EPB41L5: variants seen among roughly 807,000 people sequenced by gnomAD.
The protein encoded by EPB41L5 is erythrocyte membrane protein band 4.1 like 5.
A neutral mutation model predicts 106.6 loss-of-function variants in EPB41L5; 55 were observed. The observed-to-expected ratio is 0.52, with a 90% CI of 0.42 to 0.65. The LOEUF (loss-of-function observed/expected upper bound fraction) is 0.65. Ranked by LOEUF, EPB41L5 falls within the 30% of genes least tolerant of loss-of-function variation. EPB41L5 has a pLI of 0.00. For synonymous variants in EPB41L5, 297 were observed against 306.7 expected (o/e 0.97, Z 0.33); for missense variants, 871 against 882.1 (o/e 0.99, Z 0.16).
chr2:120,022,844 G>T (rs1288920587), intron 2 of EPB41L5, among the ~76,000 whole-genome samples: 3 of 152,130 alleles, frequency 2.0e-5, no homozygotes, highest in Non-Finnish European at 4.4e-5. Context: ...TCCAGCACCT[G>T]TTGTTTCCTG....
chr2:120,130,609 G>T (rs1170711419), intron 17 of EPB41L5, among the ~76,000 whole-genome samples: 4 of 152,330 alleles, frequency 2.6e-5, no homozygotes, highest in Middle Eastern at 3.4e-3. Context: ...ATTTTGAGAA[G>T]ACCAGTGTTG....
At chr2:120,095,584 TTCACTGGCGAGAGTA>T (rs1450743018) in intron 14 of EPB41L5, among the ~76,000 whole-genome samples, 3 of 152,048 alleles carry the variant, frequency 2.0e-5, no homozygotes, top group Non-Finnish European at 4.4e-5. Context: ...AAATGTTTGT[TTCACTGGCGAGAGTA>T]TCTACTTTTG....
intron 10 of EPB41L5, among the ~76,000 whole-genome samples, chr2:120,085,489 C>T (rs909036245): frequency 6.6e-6 from 1 of 152,130 alleles, no homozygotes; most frequent in African/African-American, 2.4e-5. Flanking sequence ...CAGAGGGGTA[C>T]CCAGCCGTGT....
chr2:120,049,094 T>A (rs1239081205), intron 3 of EPB41L5, among the ~76,000 whole-genome samples: 1 of 152,182 alleles, frequency 6.6e-6, no homozygotes, highest in Non-Finnish European at 1.5e-5. Context: ...ATGTGGTCAG[T>A]TTTGGAGTAA....
chr2:120,150,347 A>G (rs1686616534), intron 20 of EPB41L5, among the ~76,000 whole-genome samples: 1 of 151,544 alleles, frequency 6.6e-6, no homozygotes, highest in African/African-American at 2.4e-5. Context: ...TTTTAGAGAC[A>G]TTATTGCTCA....
chr2:120,078,494 C>A lies in EPB41L5; in HGVS notation c.716C>A (p.Ala239Asp). ...MYGVDMHVVK[A>D]RDGNDYSLGL... ...CACATTTTTCTCCCCTTAAATTAGG[C>A]TAGAGATGGGAATGACTATAGTTTG... The change falls in exon 10 of 25, where the codon GCT (alanine) becomes GAT (aspartate). Residue 239 changes from alanine to aspartate, a missense_variant and splice_region_variant. By Grantham distance (126) the Ala-to-Asp change is moderately radical. Coordinates refer to ENST00000263713, the MANE Select transcript of EPB41L5 (RefSeq NM_020909.4). 2 of 1,598,666 alleles carry A rather than the reference C, an allele frequency of 1.3e-6. No individual in the cohort carries two copies. The highest frequency in any genetic ancestry group is 2.3e-5 in the South Asian group (2 of 88,136).
chr2:120,129,066 C>G (rs1193422212), intron 17 of EPB41L5, among the ~76,000 whole-genome samples: 1 of 152,100 alleles, frequency 6.6e-6, no homozygotes. Context: ...TGAAAAACTT[C>G]CTATTGGGTG....
At chr2:120,105,034 C>G in intron 16 of EPB41L5, 11 of 984,500 alleles carry the variant, frequency 1.1e-5, no homozygotes, top group Non-Finnish European at 1.3e-5. Flanking sequence ...ATCTCATACA[C>G]CTGACAGATT....
intron 16 of EPB41L5, among the ~76,000 whole-genome samples, chr2:120,123,641 C>T (rs1174057823): frequency 1.5e-5 from 2 of 133,098 alleles, no homozygotes; most frequent in African/African-American, 2.8e-5. Flanking sequence ...GGGGAGTGTT[C>T]GTCCCTTTTT....
At chr2:120,086,322 C>G (rs779293646) in intron 10 of EPB41L5, among the ~76,000 whole-genome samples, 1 of 152,098 alleles carries the variant, frequency 6.6e-6, no homozygotes, top group East Asian at 1.9e-4. Flanking sequence ...CACATTGTTT[C>G]GACATTCACA....
chr2:120,076,915 G>A, intron 7 of EPB41L5, 56 bp from the exon 8 acceptor site: 1 of 1,454,578 alleles, frequency 6.9e-7, no homozygotes, highest in East Asian at 2.4e-5. Context: ...TTAATGAAAT[G>A]GTTTTTGAAG....
chr2:120,075,732 T>A lies in EPB41L5; in HGVS notation c.484T>A (p.Leu162Met), dbSNP rs760752985. The change falls in exon 7 of 25, where the codon TTG (leucine) becomes ATG (methionine). Residue 162 changes from leucine to methionine, a missense_variant. By Grantham distance (15) the Leu-to-Met change is conservative. Transcript: ENST00000263713. ...CTGTCCCTTTGATACAGCAGTGCAA[T>A]TGGCAGCTTATAATCTGCAAGGTAA... ...LDCPFDTAVQ[L>M]AAYNLQAELG... 5 of 1,613,582 alleles carry A rather than the reference T, an allele frequency of 3.1e-6. No individual in the cohort carries two copies. The highest frequency in any genetic ancestry group is 4.2e-6 in the Non-Finnish European group (5 of 1,179,728).
Position 120,090,515 on chromosome 2 carries a change from AG to A in EPB41L5, c.1043+1del, listed in dbSNP as rs1323060990. 6.2e-7 allele frequency: 1 copy of A among 1,607,056 alleles called. No individual in the cohort carries two copies. The highest frequency in any genetic ancestry group is 8.5e-7 in the Non-Finnish European group (1 of 1,177,640). ...TCGACTAGGATCACGATTTAGATATAGGTTAATTTTAATTGCTGTTTTATCT... is the reference window on the plus strand; with the variant it reads ...TCGACTAGGATCACGATTTAGATATAGTTAATTTTAATTGCTGTTTTATCT... ...FIRLGSRFRY[S>X]GKTEYQTTKT... is the part of the protein sequence containing the mutation. On this transcript the variant is annotated frameshift_variant and splice_region_variant, in exon 12 of 25. Coordinates refer to ENST00000263713, the MANE Select transcript of EPB41L5 (RefSeq NM_020909.4). LOFTEE classifies it high-confidence loss of function.
chr2:120,098,156 TTGTGTGTGTG>T (rs60975047), intron 14 of EPB41L5, among the ~76,000 whole-genome samples: 7 of 133,668 alleles, frequency 5.2e-5, no homozygotes, highest in Non-Finnish European at 9.4e-5. Context: ...ATTGTTTGTT[TTGTGTGTGTG>T]TGTGTGTGTG....
chr2:120,019,270 T>G lies in EPB41L5; in HGVS notation c.180+6T>G. 1.2e-6 allele frequency: 2 copies of G among 1,603,840 alleles called. No individual in the cohort carries two copies. The highest frequency in any genetic ancestry group is 1.7e-6 in the Non-Finnish European group (2 of 1,176,158). On this transcript the variant is annotated splice_donor_region_variant and intron_variant, in intron 2 of 24. Coordinates refer to ENST00000263713, the MANE Select transcript of EPB41L5 (RefSeq NM_020909.4). Reference sequence around the variant, plus strand: ...ATGTTAGTGTGGACTTGCCAGTAAGTAGGTCTTGCTGAGCTCCAAATTCTG... The same window carrying G: ...ATGTTAGTGTGGACTTGCCAGTAAGGAGGTCTTGCTGAGCTCCAAATTCTG...
At chr2:120,045,020 C>T (rs550953781) in intron 3 of EPB41L5, among the ~76,000 whole-genome samples, 1 of 152,104 alleles carries the variant, frequency 6.6e-6, no homozygotes, top group Non-Finnish European at 1.5e-5. Flanking sequence ...TGTTGTGTGG[C>T]CATATTCAAC....
intron 18 of EPB41L5, among the ~76,000 whole-genome samples, chr2:120,139,001 A>G (rs907240668): frequency 6.6e-6 from 1 of 152,106 alleles, no homozygotes; most frequent in African/African-American, 2.4e-5. Flanking sequence ...CCAATGTAAC[A>G]GAATAGAGAA....
intron 16 of EPB41L5, chr2:120,101,772 C>G (rs1684156174): frequency 6.6e-6 from 1 of 152,120 alleles, no homozygotes; most frequent in East Asian, 1.9e-4. Context: ...GTGCCTTGCT[C>G]TTGATACTTG....
At chr2:120,096,483 A>G (rs911995584) in intron 14 of EPB41L5, among the ~76,000 whole-genome samples, 12 of 152,188 alleles carry the variant, frequency 7.9e-5, no homozygotes, top group African/African-American at 2.2e-4. Flanking sequence ...TTTATAAGCT[A>G]TGTTTTTCAG....
Sources: gnomAD v4.1 joint callset for allele counts (sites outside exome capture counted in the v4.1 genomes callset) on GRCh38, gnomAD v4.1.1 for gene constraint, MANE v1.5 for transcripts, NCBI Gene and HGNC (gene_info 2026-07-23, HGNC 2026-07-21) for gene names.